PARVB: variants seen among roughly 807,000 people sequenced by gnomAD.
PARVB encodes beta-parvin.
A neutral mutation model predicts 47.0 loss-of-function variants in PARVB; 46 were observed. The observed-to-expected ratio is 0.98, with a 90% CI of 0.77 to 1.25. The LOEUF (loss-of-function observed/expected upper bound fraction) is 1.25, where lower values mean the gene tolerates loss of function less well. Ranked by LOEUF, PARVB falls within the 50% of genes most tolerant of loss-of-function variation. The pLI, the probability that PARVB is intolerant of heterozygous loss-of-function variation, is 0.00. For synonymous variants in PARVB, 196 were observed against 196.3 expected, an observed-to-expected ratio of 1.00 and a Z score of 0.01; for missense variants, 473 against 471.6, an observed-to-expected ratio of 1.00 and a Z score of -0.03.
intron 1 of PARVB, among the ~76,000 whole-genome samples, chr22:44,087,259 C>T (rs1019565030): frequency 6.6e-5 from 10 of 152,196 alleles, no homozygotes; most frequent in African/African-American, 2.2e-4. Context: ...TCTATGAAAA[C>T]CAGGAATTGC....
At chr22:44,060,309 C>G (rs1424297214) in intron 1 of PARVB, among the ~76,000 whole-genome samples, 1 of 151,994 alleles carries the variant, frequency 6.6e-6, no homozygotes, top group East Asian at 1.9e-4. Context: ...GAGAGAGACT[C>G]TTTCTAAAAA....
chr22:44,033,604 T>A (rs2050862827), intron 1 of PARVB, among the ~76,000 whole-genome samples: 1 of 152,192 alleles, frequency 6.6e-6, no homozygotes, highest in Admixed American at 6.5e-5. Flanking sequence ...AGCTTGGTTT[T>A]GGCCTTTGAA....
chr22:44,168,921 A>C lies in PARVB; in HGVS notation c.*243A>C. On this transcript the variant is annotated 3_prime_UTR_variant, in exon 13 of 13. Coordinates refer to ENST00000338758, the MANE Select transcript of PARVB (RefSeq NM_013327.5). ...CCTTTGAAAATGCAGGATTCTAAAC[A>C]CTCGTGCTTGCGTTTGAAGCCTCGC... The C allele has an allele frequency of 6.5e-6, 3 of 462,682 alleles. No homozygotes were observed. The highest frequency in any genetic ancestry group is 5.7e-5 in the South Asian group (2 of 34,796). The allele number at this position is 462,682 out of a possible 1,614,324, so 28.7% of individuals were successfully genotyped here.
intron 1 of PARVB, among the ~76,000 whole-genome samples, chr22:44,031,180 G>GCCTCGTCCA (rs2050819961): frequency 6.6e-6 from 1 of 152,206 alleles, no homozygotes; most frequent in Non-Finnish European, 1.5e-5. Flanking sequence ...GGCACAGTGA[G>GCCTCGTCCA]GTCACTGCGA....
chr22:44,137,785 T>A lies in PARVB; in HGVS notation c.692+1267T>A, dbSNP rs578154249. Among the ~76,000 whole-genome samples, 52 of 151,908 alleles carry A rather than the reference T, an allele frequency of 3.4e-4. No homozygotes were observed. In the South Asian group the frequency reaches 0.011, roughly 32 times the overall value. ...GGGTGCTCTCAGGGTCCTGAGAGAG[T>A]GAGAATGCAGCTGCAGTCCCCTTGA... is the stretch of plus-strand genomic sequence containing the variant. On this transcript the variant is annotated intron_variant, in intron 7 of 12. Transcript: ENST00000338758.
intron 1 of PARVB, chr22:44,069,214 G>C: frequency 6.6e-7 from 1 of 1,516,722 alleles, no homozygotes; most frequent in Non-Finnish European, 9.2e-7. Flanking sequence ...ACCCAGGCCA[G>C]CCCTTCTTTT....
chr22:44,130,893 TTAGTGACCTGGAAGCTCAGC>T (rs1452634004), intron 4 of PARVB, among the ~76,000 whole-genome samples: 1 of 152,096 alleles, frequency 6.6e-6, no homozygotes, highest in Non-Finnish European at 1.5e-5. Flanking sequence ...CTAAGGAAGA[TTAGTGACCTGGAAGCTCAGC>T]GTTCATGGTT....
rs990253929 is a variant in PARVB at position 44,125,214 on chromosome 22, A to G, written c.376+6074A>G. Among the ~76,000 whole-genome samples, 5 of 152,156 alleles carry G rather than the reference A, an allele frequency of 3.3e-5. No homozygotes were observed. Among genetic ancestry groups the G allele is most frequent in the Non-Finnish European group, 7.4e-5 (5 of 68,026 alleles). On this transcript the variant is annotated intron_variant, in intron 4 of 12. Coordinates refer to ENST00000338758, the MANE Select transcript of PARVB (RefSeq NM_013327.5). The surrounding 1 kb of genome is among the most constrained non-coding windows in gnomAD (Gnocchi z 4.1). Reference sequence around the variant, plus strand: ...ATGTCTGTGTTTGTTTTGGTCACACATTCATTCATTCATCTGATGAATGAA... The same window carrying G: ...ATGTCTGTGTTTGTTTTGGTCACACGTTCATTCATTCATCTGATGAATGAA...
At chr22:44,082,094 G>A (rs1359597609) in intron 1 of PARVB, among the ~76,000 whole-genome samples, 1 of 152,188 alleles carries the variant, frequency 6.6e-6, no homozygotes, top group Admixed American at 6.5e-5. Flanking sequence ...AAAACGGGAG[G>A]CAAATGGGGT....
intron 1 of PARVB, chr22:44,031,430 T>TTTTTGTTTTC (rs1167168374): frequency 6.6e-6 from 1 of 152,322 alleles, no homozygotes; most frequent in Non-Finnish European, 1.5e-5. Flanking sequence ...CACGTGGGTG[T>TTTTTGTTTTC]TTTTGTTTTC....
intron 3 of PARVB, 54 bp from the exon 4 acceptor site, chr22:44,118,984 C>T (rs140497926): frequency 0.018 from 21,693 of 1,221,314 alleles, 271 homozygotes; most frequent in Non-Finnish European, 0.021. Context: ...CTGGTCACTG[C>T]CTCATTGCCG....
intron 2 of PARVB, among the ~76,000 whole-genome samples, chr22:44,012,161 T>G (rs940664161): frequency 6.6e-6 from 1 of 152,204 alleles, no homozygotes; most frequent in Non-Finnish European, 1.5e-5. Context: ...TAGGAACCAA[T>G]AACTTGGTAC....
intron 4 of PARVB, 141 bp from the exon 5 acceptor site, chr22:44,131,346 T>C (rs921451383): frequency 2.6e-6 from 2 of 759,598 alleles, no homozygotes; most frequent in Non-Finnish European, 4.3e-6. Flanking sequence ...TTCACCATAT[T>C]TGCCAGGCTG....
intron 5 of PARVB, 149 bp downstream of exon 5, chr22:44,131,776 G>C: frequency 1.2e-6 from 1 of 821,674 alleles, no homozygotes; most frequent in Non-Finnish European, 1.9e-6. Flanking sequence ...GTAAGAGGTA[G>C]AACATTGCAG....
At chr22:44,047,703 C>T (rs576661556) in intron 1 of PARVB, among the ~76,000 whole-genome samples, 1 of 152,204 alleles carries the variant, frequency 6.6e-6, no homozygotes, top group African/African-American at 2.4e-5. Flanking sequence ...TGGATTCTCT[C>T]ACAGTTATGG....
At chr22:44,019,364 C>T (rs1277885279), upstream of PARVB, among the ~76,000 whole-genome samples, 1 of 151,516 alleles carries the variant, frequency 6.6e-6, no homozygotes, top group Non-Finnish European at 1.5e-5. Flanking sequence ...GGATTACAGG[C>T]ATGCATCATG....
intron 1 of PARVB, among the ~76,000 whole-genome samples, chr22:44,082,091 G>A (rs1175095325): frequency 6.6e-6 from 1 of 152,208 alleles, no homozygotes; most frequent in Non-Finnish European, 1.5e-5. Flanking sequence ...GAGAAAACGG[G>A]AGGCAAATGG....
chr22:44,098,131 A>G (rs1321355251), intron 2 of PARVB, among the ~76,000 whole-genome samples: 1 of 152,022 alleles, frequency 6.6e-6, no homozygotes, highest in Non-Finnish European at 1.5e-5. Context: ...CAATGCTGAG[A>G]TTTTTAGTGT....
intron 11 of PARVB, among the ~76,000 whole-genome samples, chr22:44,163,412 A>G (rs1405200777): frequency 6.6e-6 from 1 of 152,200 alleles, no homozygotes; most frequent in Non-Finnish European, 1.5e-5. Flanking sequence ...TGGGAGGTGG[A>G]GGTTGCAGTG....
Sources: gnomAD v4.1 joint callset for allele counts (sites outside exome capture counted in the v4.1 genomes callset) on GRCh38, gnomAD v4.1.1 for gene constraint, Gnocchi (gnomAD v3.1) non-coding constraint, MANE v1.5 for transcripts, NCBI Gene and HGNC (gene_info 2026-07-23, HGNC 2026-07-21) for gene names.